The following CELF4 variants were observed in gnomAD, a reference collection of about 807,000 sequenced individuals.
The protein encoded by CELF4 is CUG-BP- and ETR-3-like factor 4.
In CELF4, 18 loss-of-function variants were observed where a neutral mutation model predicts 59.9. The observed-to-expected ratio is 0.30, with a 90% CI of 0.21 to 0.45. The LOEUF (loss-of-function observed/expected upper bound fraction) is 0.45. Among genes scored for constraint, CELF4 ranks in the 20% least tolerant of loss-of-function variants. The pLI, the probability that CELF4 is intolerant of heterozygous loss-of-function variation, is 1.00. For synonymous variants in CELF4, 261 were observed against 267.1 expected (o/e 0.98, Z 0.22); for missense variants, 456 against 689.0 (o/e 0.66, Z 3.79).
At chr18:37,552,403 CAGA>C (rs2099983504) in intron 1 of CELF4, among the ~76,000 whole-genome samples, 1 of 152,222 alleles carries the variant, frequency 6.6e-6, no homozygotes, top group South Asian at 2.1e-4. Flanking sequence ...CCCTGCTCTG[CAGA>C]AACCTGCCTC....
At chr18:37,511,709 G>T (rs2099944544) in intron 1 of CELF4, among the ~76,000 whole-genome samples, 1 of 151,812 alleles carries the variant, frequency 6.6e-6, no homozygotes, top group Non-Finnish European at 1.5e-5. Flanking sequence ...AGGTAGGTGG[G>T]ATAAGTTGCT....
chr18:37,469,444 A>G (rs944261344), intron 2 of CELF4, among the ~76,000 whole-genome samples: 3 of 152,168 alleles, frequency 2.0e-5, no homozygotes, highest in East Asian at 3.8e-4. Flanking sequence ...GCATTATTAG[A>G]AAATCCCTCA....
chr18:37,308,540 G>A (rs1180284573), intron 3 of CELF4, among the ~76,000 whole-genome samples: 1 of 152,198 alleles, frequency 6.6e-6, no homozygotes, highest in Non-Finnish European at 1.5e-5. Context: ...CCTGCCCCCA[G>A]ACTGTAAGCT....
chr18:37,545,909 C>T (rs935647906), intron 1 of CELF4, among the ~76,000 whole-genome samples: 1 of 152,194 alleles, frequency 6.6e-6, no homozygotes, highest in Non-Finnish European at 1.5e-5. Flanking sequence ...CCCAGCCATG[C>T]ATCCAAGAAA....
chr18:37,369,087 C>T (rs1362611764), intron 2 of CELF4, among the ~76,000 whole-genome samples: 1 of 152,158 alleles, frequency 6.6e-6, no homozygotes, highest in Admixed American at 6.5e-5. Flanking sequence ...TTTTGAGATG[C>T]TTCCCCAGGG....
At chr18:37,529,644 C>A (rs1283979381) in intron 1 of CELF4, among the ~76,000 whole-genome samples, 1 of 152,170 alleles carries the variant, frequency 6.6e-6, no homozygotes, top group Non-Finnish European at 1.5e-5. Flanking sequence ...ATTTGCTTTG[C>A]AAGCAACTGG....
At chr18:37,518,949 G>C (rs1380115444) in intron 1 of CELF4, among the ~76,000 whole-genome samples, 1 of 152,200 alleles carries the variant, frequency 6.6e-6, no homozygotes, top group Non-Finnish European at 1.5e-5. Flanking sequence ...TAGGTACAGG[G>C]GGTTGTCCAA....
intron 2 of CELF4, among the ~76,000 whole-genome samples, chr18:37,372,330 A>G (rs2098904443): frequency 6.6e-6 from 1 of 152,226 alleles, no homozygotes. Flanking sequence ...TGTCCTTTGT[A>G]GGGACATGGA....
At chr18:37,388,323 C>G (rs2099121200) in intron 2 of CELF4, among the ~76,000 whole-genome samples, 1 of 152,136 alleles carries the variant, frequency 6.6e-6, no homozygotes, top group African/African-American at 2.4e-5. Context: ...CACCTGTGGC[C>G]TCTGACTGCA....
At chr18:37,547,289 G>T (rs1332724156) in intron 1 of CELF4, among the ~76,000 whole-genome samples, 1 of 152,062 alleles carries the variant, frequency 6.6e-6, no homozygotes, top group Non-Finnish European at 1.5e-5. Flanking sequence ...TGGGTGGACG[G>T]CTGAGGGCTG....
At chr18:37,511,445 G>C (rs1349461617) in intron 1 of CELF4, among the ~76,000 whole-genome samples, 1 of 152,100 alleles carries the variant, frequency 6.6e-6, no homozygotes, top group South Asian at 2.1e-4. Flanking sequence ...CTCAGGCCCA[G>C]CTCAGCCTGG....
At chr18:37,339,135 T>C (rs958700267) in intron 2 of CELF4, among the ~76,000 whole-genome samples, 1 of 152,254 alleles carries the variant, frequency 6.6e-6, no homozygotes, top group Non-Finnish European at 1.5e-5. Context: ...TCATAAATCA[T>C]ATTTCCTATC....
chr18:37,548,786 G>A (rs2099982246), intron 1 of CELF4, among the ~76,000 whole-genome samples: 1 of 152,206 alleles, frequency 6.6e-6, no homozygotes, highest in Non-Finnish European at 1.5e-5. Flanking sequence ...GGTCCGTGCG[G>A]GAGCCAGAGC....
intron 1 of CELF4, among the ~76,000 whole-genome samples, chr18:37,529,443 C>T (rs1244745256): frequency 6.6e-6 from 1 of 152,196 alleles, no homozygotes; most frequent in African/African-American, 2.4e-5. Flanking sequence ...ATACCACACC[C>T]ACTGCATGAG....
intron 3 of CELF4, among the ~76,000 whole-genome samples, chr18:37,307,602 G>A (rs1474102072): frequency 6.6e-6 from 1 of 151,952 alleles, no homozygotes; most frequent in African/African-American, 2.4e-5. Context: ...CCTGTGGGCT[G>A]GGGGGTGGGG....
intron 3 of CELF4, 64 bp downstream of exon 3, chr18:37,321,739 C>A: frequency 8.3e-6 from 10 of 1,206,366 alleles, no homozygotes; most frequent in Non-Finnish European, 1.2e-5. Flanking sequence ...CGCCTTGCTG[C>A]GTCGGGAAAA....
intron 3 of CELF4, among the ~76,000 whole-genome samples, chr18:37,291,377 A>AT (rs1165038007): frequency 6.6e-6 from 1 of 152,224 alleles, no homozygotes; most frequent in East Asian, 1.9e-4. Flanking sequence ...AGGAGGGTTC[A>AT]TGTCAGAAAG....
intron 2 of CELF4, among the ~76,000 whole-genome samples, chr18:37,453,123 G>C (rs1296700475): frequency 6.6e-6 from 1 of 152,216 alleles, no homozygotes; most frequent in East Asian, 1.9e-4. Flanking sequence ...ACCTGGAATG[G>C]CCCCCTCCTT....
At chr18:37,485,681 C>T (rs1443237250) in intron 1 of CELF4, 74 bp from the exon 2 acceptor site, 2 of 957,580 alleles carry the variant, frequency 2.1e-6, no homozygotes, top group African/African-American at 1.7e-5. Context: ...TGCCGCCCGC[C>T]CTCCAGGCTC....
Sources: allele counts gnomAD v4.1 joint callset (sites outside exome capture counted in the v4.1 genomes callset), GRCh38; gene constraint gnomAD v4.1.1; transcripts MANE v1.5; gene names NCBI Gene and HGNC (gene_info 2026-07-23, HGNC 2026-07-21).